The following PDZK1 variants were observed in gnomAD, a reference collection of about 807,000 sequenced individuals.
PDZK1 encodes Na(+)/H(+) exchange regulatory cofactor NHE-RF3.
PDZK1 carries 23 observed loss-of-function variants against 38.1 expected under a neutral mutation model. The observed-to-expected ratio is 0.60, with a 90% CI of 0.43 to 0.85. The LOEUF is 0.85. Ranked by LOEUF, PDZK1 falls within the 40% of genes least tolerant of loss-of-function variation. PDZK1 has a pLI of 0.00. For synonymous variants in PDZK1, 98 were observed against 186.2 expected (o/e 0.53, Z 3.86); for missense variants, 297 against 504.3 (o/e 0.59, Z 3.94).
At chr1:145,694,120 C>T (rs1274436420) in intron 1 of PDZK1, among the ~76,000 whole-genome samples, 2 of 152,210 alleles carry the variant, frequency 1.3e-5, no homozygotes, top group African/African-American at 2.4e-5. Context: ...CAACCTTTCA[C>T]TGTTCTCATG....
chr1:145,704,920 C>T (rs1571649449), intron 1 of PDZK1, among the ~76,000 whole-genome samples: 2 of 152,174 alleles, frequency 1.3e-5, no homozygotes, highest in South Asian at 2.1e-4. Context: ...TCAAAGCCAT[C>T]GCCATCTGCA....
At chr1:145,677,688 C>G (rs1475501051) in intron 6 of PDZK1, among the ~76,000 whole-genome samples, 2 of 150,778 alleles carry the variant, frequency 1.3e-5, no homozygotes, top group Non-Finnish European at 3.0e-5. Flanking sequence ...TGCTTAGTCT[C>G]TCTAAGCTTC....
Position 145,688,132 on chromosome 1 carries a change from G to A in PDZK1, c.-2-109C>T, listed in dbSNP as rs587688497. On this transcript the variant is annotated intron_variant, in intron 1 of 8. Coordinates refer to ENST00000417171, the MANE Select transcript of PDZK1 (RefSeq NM_001201325.2). Reference sequence around the variant, plus strand: ...TCTGTTCTTCCAATCACCAAATCTAGACTGCTTGGGTAGTAATGCTGGGGG... The same window carrying A: ...TCTGTTCTTCCAATCACCAAATCTAAACTGCTTGGGTAGTAATGCTGGGGG... The A allele has an allele frequency of 1.6e-4, 152 of 929,552 alleles. No individual in the cohort carries two copies. In the East Asian group the frequency reaches 3.5e-3, roughly 21 times the overall value. The allele number at this position is 929,552 out of a possible 1,614,324, so 57.6% of individuals were successfully genotyped here. A position where few individuals can be genotyped will look rare whatever the true frequency, so the allele number is the denominator to read the frequency against.
chr1:145,673,237 G>A (rs1284145086), intron 7 of PDZK1, among the ~76,000 whole-genome samples: 3 of 152,130 alleles, frequency 2.0e-5, no homozygotes, highest in Non-Finnish European at 4.4e-5. Flanking sequence ...ATAAATAGTG[G>A]TTCAGCATCA....
chr1:145,692,864 C>G, intron 1 of PDZK1, among the ~76,000 whole-genome samples: 1 of 151,334 alleles, frequency 6.6e-6, no homozygotes, highest in South Asian at 2.1e-4. Context: ...GAAACCTTGT[C>G]TCCTAAAATT....
chr1:145,697,257 G>A (rs1014724600), intron 1 of PDZK1, among the ~76,000 whole-genome samples: 1 of 151,108 alleles, frequency 6.6e-6, no homozygotes, highest in Admixed American at 6.6e-5. Flanking sequence ...AACCCGGGAG[G>A]CAGTGGTTGC....
At chr1:145,701,429 T>C (rs1236954936) in intron 1 of PDZK1, among the ~76,000 whole-genome samples, 1 of 151,862 alleles carries the variant, frequency 6.6e-6, no homozygotes, top group East Asian at 1.9e-4. Context: ...TATAAAACAC[T>C]CTGAACTTTA....
At chr1:145,685,392 C>G (rs1296373929) in intron 3 of PDZK1, among the ~76,000 whole-genome samples, 2 of 152,238 alleles carry the variant, frequency 1.3e-5, no homozygotes, top group Non-Finnish European at 2.9e-5. Flanking sequence ...ATAAAGCTAA[C>G]CTAAACCATT....
At chr1:145,687,088 A>ATATGG (rs1654841258) in intron 2 of PDZK1, among the ~76,000 whole-genome samples, 1 of 152,170 alleles carries the variant, frequency 6.6e-6, no homozygotes, top group African/African-American at 2.4e-5. Context: ...CAGGCAGAAT[A>ATATGG]AGGTAAGGCC....
At chr1:145,675,416 C>G (rs1553699102) in intron 6 of PDZK1, among the ~76,000 whole-genome samples, 1 of 141,490 alleles carries the variant, frequency 7.1e-6, no homozygotes, top group Non-Finnish European at 1.5e-5. Flanking sequence ...AGCAGCCTGA[C>G]TAAAATTAGA....
At chr1:145,680,761 C>T (rs1186510204) in intron 5 of PDZK1, 151 bp downstream of exon 5, 27 of 580,226 alleles carry the variant, frequency 4.7e-5, no homozygotes, top group Non-Finnish European at 8.1e-5. Context: ...ACATCAGACC[C>T]TCATGTGACA....
intron 2 of PDZK1, among the ~76,000 whole-genome samples, chr1:145,687,184 A>G (rs1654851913): frequency 6.6e-6 from 1 of 152,028 alleles, no homozygotes; most frequent in African/African-American, 2.4e-5. Flanking sequence ...ATTGTAACAT[A>G]TACCTTATGA....
At chr1:145,703,597 G>A (rs1441272454) in intron 1 of PDZK1, among the ~76,000 whole-genome samples, 6 of 152,014 alleles carry the variant, frequency 3.9e-5, no homozygotes, top group Non-Finnish European at 8.8e-5. Context: ...CCAGGCCTGA[G>A]GTGTAGAATG....
In PDZK1 at chr1:145,704,850, C is replaced by G. The variant is rs892888264; in HGVS notation, c.-3+2467G>C. ...CATTCCCATATGATTAGACCCTGGACTTCAGATGCCCTGAGAGAGGATTGG... is the reference window on the plus strand; with the variant it reads ...CATTCCCATATGATTAGACCCTGGAGTTCAGATGCCCTGAGAGAGGATTGG... On this transcript the variant is annotated intron_variant, in intron 1 of 8. Coordinates refer to ENST00000417171, the MANE Select transcript of PDZK1 (RefSeq NM_001201325.2). 9.2e-5 allele frequency among the ~76,000 whole-genome samples: 14 copies of G among 152,338 alleles called. No homozygotes were observed. The Middle Eastern group carries it at 0.014, about 148-fold the overall frequency.
At chr1:145,687,524 CAAA>C (rs11420111) in intron 2 of PDZK1, among the ~76,000 whole-genome samples, 169 of 64,616 alleles carry the variant, frequency 2.6e-3, no homozygotes, top group African/African-American at 9.7e-3. Context: ...AACTCCATCT[CAAA>C]AAAAAAAAAA....
intron 3 of PDZK1, among the ~76,000 whole-genome samples, chr1:145,683,424 T>C (rs1654450612): frequency 6.6e-6 from 1 of 152,180 alleles, no homozygotes; most frequent in Non-Finnish European, 1.5e-5. Flanking sequence ...TTTACCATTC[T>C]CTCCTCTTCA....
chr1:145,704,293 A>G (rs1338629633), intron 1 of PDZK1, among the ~76,000 whole-genome samples: 1 of 152,200 alleles, frequency 6.6e-6, no homozygotes, highest in East Asian at 1.9e-4. Flanking sequence ...ATGAATGCTG[A>G]CTATCTGTGC....
intron 6 of PDZK1, among the ~76,000 whole-genome samples, chr1:145,677,913 A>T (rs1653857554): frequency 1.3e-4 from 6 of 47,972 alleles, no homozygotes; most frequent in African/African-American, 2.7e-4. Context: ...TTAAAAGTAA[A>T]AAAAAAAAAA....
chr1:145,692,342 G>T (rs1655285838), intron 1 of PDZK1, among the ~76,000 whole-genome samples: 1 of 152,224 alleles, frequency 6.6e-6, no homozygotes, highest in Non-Finnish European at 1.5e-5. Context: ...TGCACAGAAA[G>T]CTGGAAGTCT....
Sources: gnomAD v4.1 joint callset for allele counts (sites outside exome capture counted in the v4.1 genomes callset) on GRCh38, gnomAD v4.1.1 for gene constraint, MANE v1.5 for transcripts, NCBI Gene and HGNC (gene_info 2026-07-23, HGNC 2026-07-21) for gene names.